EML1: variants seen among roughly 807,000 people sequenced by gnomAD.
EML1 encodes the protein echinoderm microtubule-associated protein-like 1.
In EML1, 27 loss-of-function variants were observed where a neutral mutation model predicts 110.4. That is an observed-to-expected ratio of 0.24 (90% CI 0.18 to 0.34). The LOEUF is 0.34. Among genes scored for constraint, EML1 ranks in the 10% least tolerant of loss-of-function variants. The pLI, the probability that EML1 is intolerant of heterozygous loss-of-function variation, is 1.00. For missense variants in EML1, 741 were observed against 1,030.9 expected (o/e 0.72, Z 3.85); for synonymous variants, 344 against 385.8 (o/e 0.89, Z 1.27).
intron 1 of EML1, among the ~76,000 whole-genome samples, chr14:99,807,676 C>T (rs1028453952): frequency 2.6e-5 from 4 of 152,196 alleles, no homozygotes; most frequent in Non-Finnish European, 5.9e-5. Flanking sequence ...CCTCCTTCCC[C>T]TCCACTGCTC....
intron 1 of EML1, among the ~76,000 whole-genome samples, chr14:99,843,127 A>C (rs1053990289): frequency 2.0e-5 from 3 of 152,158 alleles, no homozygotes; most frequent in Non-Finnish European, 4.4e-5. Context: ...GGTGGTGTGC[A>C]TCTGTACTTC....
chr14:99,862,136 G>C (rs2059012546), intron 2 of EML1, among the ~76,000 whole-genome samples: 1 of 152,158 alleles, frequency 6.6e-6, no homozygotes, highest in African/African-American at 2.4e-5. Context: ...CTGTTAGAGG[G>C]TTCATTGACT....
chr14:99,809,135 T>C (rs187048092), intron 1 of EML1, among the ~76,000 whole-genome samples: 2 of 152,326 alleles, frequency 1.3e-5, no homozygotes, highest in East Asian at 1.9e-4. Flanking sequence ...GAAAATACGC[T>C]ATAGATAATT....
Position 99,907,872 on chromosome 14 carries a change from C to A in EML1, c.1104+139C>A, listed in dbSNP as rs1296252400. ...ACGCCTTCACCTTAGAATCGTTTGG[C>A]CCCGATCCCTGTCCCATCATGGGAC... On this transcript the variant is annotated intron_variant, in intron 10 of 21. Transcript: ENST00000262233. 5 of 707,364 alleles carry A rather than the reference C, an allele frequency of 7.1e-6. No homozygotes were observed. The African/African-American group carries it at 7.2e-5, about 10-fold the overall frequency. 43.8% of individuals were successfully genotyped at this position (707,364 alleles called of 1,614,324 possible). A position where few individuals can be genotyped will look rare whatever the true frequency, so the allele number is the denominator to read the frequency against.
At chr14:99,911,860 C>G (rs1320934632) in intron 13 of EML1, among the ~76,000 whole-genome samples, 1 of 151,768 alleles carries the variant, frequency 6.6e-6, no homozygotes, top group Non-Finnish European at 1.5e-5. Flanking sequence ...TTATAAAAAT[C>G]TGTCTTCTCT....
At position 99,878,613 on chromosome 14, in the gene EML1, G is replaced by C; in HGVS notation, c.512G>C (p.Ser171Thr). 1 of 1,613,520 alleles carries C rather than the reference G, an allele frequency of 6.2e-7. No homozygotes were observed. The highest frequency in any genetic ancestry group is 8.5e-7 in the Non-Finnish European group (1 of 1,179,804). Residue 171 changes from serine to threonine, a missense_variant, in exon 4 of 22, where the codon AGT becomes ACT. Around this residue, in one of 4 missense-constraint regions of EML1, gnomAD observed 226 missense variants for 255.6 expected, o/e 0.88. Coordinates refer to ENST00000262233, the MANE Select transcript of EML1 (RefSeq NM_004434.3). ...TSSSSSGKKNSESKPKEPVFS... is the reference protein window; with the variant it reads ...TSSSSSGKKNTESKPKEPVFS... Reference sequence around the variant, plus strand: ...AGCTCTTCCAGTGGCAAAAAGAACAGTGAAAGGTAAGGACGTCTTATCTCT... The same window carrying C: ...AGCTCTTCCAGTGGCAAAAAGAACACTGAAAGGTAAGGACGTCTTATCTCT...
Position 99,781,216 on chromosome 14 carries a change from C to T in EML1, c.-27+7203C>T, listed in dbSNP as rs965078173. Among the ~76,000 whole-genome samples the T allele has an allele frequency of 2.0e-5, 3 of 152,072 alleles. No homozygotes were observed. Among genetic ancestry groups the T allele is most frequent in the African/African-American group, 7.3e-5 (3 of 41,376 alleles). ...TTCTTTCCTCCTCCCATCAAGTGTGCTTGGCTCTTCCCCTCCTGACACCGC... is the reference window on the plus strand; with the variant it reads ...TTCTTTCCTCCTCCCATCAAGTGTGTTTGGCTCTTCCCCTCCTGACACCGC... On this transcript the variant is annotated intron_variant, in intron 1 of 22. Coordinates refer to the EML1 transcript ENST00000327921. The surrounding 1 kb of genome is among the most constrained non-coding windows in gnomAD (Gnocchi z 4.2).
chr14:99,901,895 A>G (rs1267541648), intron 9 of EML1, among the ~76,000 whole-genome samples: 3 of 152,154 alleles, frequency 2.0e-5, no homozygotes, highest in Admixed American at 6.6e-5. Context: ...CCCAGCCCCT[A>G]TTCAAGTTGC....
intron 1 of EML1, among the ~76,000 whole-genome samples, chr14:99,799,874 T>A (rs1439785871): frequency 1.3e-5 from 2 of 152,222 alleles, no homozygotes; most frequent in African/African-American, 4.8e-5. Context: ...GTGAAAACCT[T>A]CATCATGGAT....
intron 3 of EML1, among the ~76,000 whole-genome samples, chr14:99,868,409 T>C (rs2059138210): frequency 6.6e-6 from 1 of 152,198 alleles, no homozygotes; most frequent in African/African-American, 2.4e-5. Context: ...TTTTAAATGT[T>C]TGATAGAATT....
chr14:99,743,002 G>A (rs192180288), intron 1 of EML1, among the ~76,000 whole-genome samples: 636 of 152,286 alleles, frequency 4.2e-3, no homozygotes, highest in Non-Finnish European at 7.5e-3. Flanking sequence ...GACCTCTCAC[G>A]AGAGGCTGGG....
At chr14:99,935,644 G>A (rs1483630920) in intron 17 of EML1, among the ~76,000 whole-genome samples, 2 of 152,006 alleles carry the variant, frequency 1.3e-5, no homozygotes, top group African/African-American at 2.4e-5. Context: ...TTAGCCAAGC[G>A]TGGTGGCACG....
At chr14:99,900,842 A>T in intron 8 of EML1, 87 bp from the exon 9 acceptor site, 1 of 1,126,552 alleles carries the variant, frequency 8.9e-7, no homozygotes, top group Non-Finnish European at 1.3e-6. Flanking sequence ...AGTCCGAGTT[A>T]CTGCCCAAGT....
chr14:99,746,833 G>T (rs1181247129), intron 1 of EML1, among the ~76,000 whole-genome samples: 1 of 152,184 alleles, frequency 6.6e-6, no homozygotes, highest in Non-Finnish European at 1.5e-5. Context: ...CTCGAGCAGG[G>T]CTCCTCCCAC....
At chr14:99,882,822 TG>T (rs1156666576) in intron 4 of EML1, among the ~76,000 whole-genome samples, 1 of 144,046 alleles carries the variant, frequency 6.9e-6, no homozygotes, top group African/African-American at 2.8e-5. Flanking sequence ...TCAACAAACA[TG>T]AAAAAAAAAA....
At chr14:99,803,172 A>G (rs541126351) in intron 1 of EML1, among the ~76,000 whole-genome samples, 2 of 152,242 alleles carry the variant, frequency 1.3e-5, no homozygotes, top group East Asian at 3.9e-4. Flanking sequence ...TCCTGGTGAA[A>G]GGTGGTTGAA....
At chr14:99,874,777 G>A (rs750958353) in intron 3 of EML1, among the ~76,000 whole-genome samples, 5 of 152,200 alleles carry the variant, frequency 3.3e-5, no homozygotes, top group Non-Finnish European at 7.3e-5. Context: ...AGTTGTGAAG[G>A]ATTATATCCA....
At chr14:99,865,802 G>C (rs892265225) in intron 3 of EML1, among the ~76,000 whole-genome samples, 156 bp downstream of exon 3, 3 of 152,228 alleles carry the variant, frequency 2.0e-5, no homozygotes, top group Non-Finnish European at 2.9e-5. Context: ...ACAAGAACTA[G>C]TTAAGTTTAT....
intron 11 of EML1, among the ~76,000 whole-genome samples, chr14:99,909,947 C>A (rs551736189): frequency 6.6e-6 from 1 of 152,276 alleles, no homozygotes; most frequent in South Asian, 2.1e-4. Flanking sequence ...GACAGCATAG[C>A]CCCACCCTTC....
Sources: allele counts gnomAD v4.1 joint callset (sites outside exome capture counted in the v4.1 genomes callset), GRCh38; gene constraint gnomAD v4.1.1; regional missense constraint gnomAD v4.1.1; non-coding constraint Gnocchi (gnomAD v3.1); transcripts MANE v1.5; gene names NCBI Gene and HGNC (gene_info 2026-07-23, HGNC 2026-07-21).